The following PLXNA4 variants were observed in gnomAD, a reference collection of about 807,000 sequenced individuals.
PLXNA4 encodes the protein plexin A4, also known as plexin-A4.
A neutral mutation model predicts 191.8 loss-of-function variants in PLXNA4; 44 were observed. The observed-to-expected ratio is 0.23, with a 90% CI of 0.18 to 0.29. The LOEUF is 0.29. Among genes scored for constraint, PLXNA4 ranks in the 10% least tolerant of loss-of-function variants. The pLI is 1.00. For synonymous variants in PLXNA4, 1,082 were observed against 1,009.5 expected (o/e 1.07, Z -1.36); for missense variants, 1,800 against 2,488.8 (o/e 0.72, Z 5.89).
chr7:132,441,047 G>C (rs933386994), intron 3 of PLXNA4, among the ~76,000 whole-genome samples: 2 of 152,128 alleles, frequency 1.3e-5, no homozygotes, highest in African/African-American at 4.8e-5. Context: ...AAAAACCAAG[G>C]CTTAGGATAT....
chr7:132,387,378 C>T (rs891272404), intron 3 of PLXNA4, among the ~76,000 whole-genome samples: 2 of 152,222 alleles, frequency 1.3e-5, no homozygotes, highest in African/African-American at 2.4e-5. Flanking sequence ...TCAACCTTCA[C>T]GATGTCTTTG....
intron 1 of PLXNA4, among the ~76,000 whole-genome samples, chr7:132,557,917 G>A (rs943324371): frequency 2.0e-5 from 3 of 151,762 alleles, no homozygotes; most frequent in Non-Finnish European, 4.4e-5. Context: ...AGAAAACCAA[G>A]TTTAAGGTAG....
chr7:132,402,477 C>T (rs765528409), intron 3 of PLXNA4, among the ~76,000 whole-genome samples: 5 of 152,210 alleles, frequency 3.3e-5, no homozygotes, highest in Non-Finnish European at 7.4e-5. Context: ...ATCTCTTTGC[C>T]TTTTCCTGTT....
In PLXNA4 at chr7:132,130,244, C is replaced by A; in HGVS notation, c.*235G>T. ...CTCCCTTGCCATGGGCCTGGCCATT[C>A]TTGGACTAACTGAGGGTCAGTGGCT... On this transcript the variant is annotated 3_prime_UTR_variant, in exon 32 of 32. Coordinates refer to ENST00000321063, the MANE Select transcript of PLXNA4 (RefSeq NM_020911.2). The A allele has an allele frequency of 1.8e-6, 1 of 542,236 alleles. No individual in the cohort carries two copies. Among genetic ancestry groups the A allele is most frequent in the African/African-American group, 1.9e-5 (1 of 52,866 alleles). 33.6% of individuals were successfully genotyped at this position (542,236 alleles called of 1,614,324 possible). A position where few individuals can be genotyped will look rare whatever the true frequency, so the allele number is the denominator to read the frequency against.
chr7:132,576,516 T>TGCGTGTGCGC, upstream of PLXNA4: 1 of 985,892 alleles, frequency 1.0e-6, no homozygotes, highest in Non-Finnish European at 1.2e-6. This position sits in a 1 kb window ranked among gnomAD's most constrained non-coding sequence, Gnocchi z 5.8. Context: ...TCTGAACGTG[T>TGCGTGTGCGC]GCGTGTGCGC....
At chr7:132,638,815 A>C (rs1803660351) in intron 2 of PLXNA4, among the ~76,000 whole-genome samples, 2 of 152,192 alleles carry the variant, frequency 1.3e-5, no homozygotes, top group African/African-American at 4.8e-5. Context: ...GGAGCAAGAC[A>C]TGCTCTGGTG....
chr7:132,315,308 A>C (rs997499738), intron 3 of PLXNA4, among the ~76,000 whole-genome samples: 4 of 152,222 alleles, frequency 2.6e-5, no homozygotes, highest in Non-Finnish European at 4.4e-5. Context: ...ATTTCAAATA[A>C]GATTTGGCTG....
intron 4 of PLXNA4, among the ~76,000 whole-genome samples, chr7:132,263,499 A>C (rs1455076509): frequency 2.6e-5 from 4 of 152,238 alleles, no homozygotes; most frequent in Admixed American, 2.0e-4. Context: ...AGGGGTAAGA[A>C]ACCCTACCTG....
intron 3 of PLXNA4, among the ~76,000 whole-genome samples, chr7:132,325,861 G>C (rs914011495): frequency 6.6e-6 from 1 of 152,176 alleles, no homozygotes; most frequent in African/African-American, 2.4e-5. Context: ...TAAAGGCAAG[G>C]GTGGGCATGG....
Position 132,382,092 on chromosome 7 carries a change from C to T in PLXNA4, c.1372-83870G>A, listed in dbSNP as rs556401730. On this transcript the variant is annotated intron_variant, in intron 3 of 31. Coordinates refer to ENST00000321063, the MANE Select transcript of PLXNA4 (RefSeq NM_020911.2). Reference sequence around the variant, plus strand: ...AGAGGGGAGAAAAGAAAGCTGGGGACTTTTCTGGGCTGAGTATAGGGTAGA... The same window carrying T: ...AGAGGGGAGAAAAGAAAGCTGGGGATTTTTCTGGGCTGAGTATAGGGTAGA... Among the ~76,000 whole-genome samples the T allele has an allele frequency of 3.3e-5, 5 of 152,276 alleles. No homozygotes were observed. The South Asian group carries it at 1.0e-3, about 32-fold the overall frequency.
At chr7:132,226,666 C>T (rs1421543295) in intron 7 of PLXNA4, among the ~76,000 whole-genome samples, 2 of 152,230 alleles carry the variant, frequency 1.3e-5, no homozygotes, top group East Asian at 3.9e-4. Flanking sequence ...TATGCATGAG[C>T]TCATTCCCTG....
chr7:132,516,682 G>A (rs916587166), intron 1 of PLXNA4, among the ~76,000 whole-genome samples: 1 of 152,140 alleles, frequency 6.6e-6, no homozygotes, highest in Non-Finnish European at 1.5e-5. Flanking sequence ...TCCCTGCCAG[G>A]AGTGGTGACT....
chr7:132,294,566 A>T (rs1230820250), intron 4 of PLXNA4, among the ~76,000 whole-genome samples: 6 of 152,184 alleles, frequency 3.9e-5, no homozygotes, highest in Admixed American at 3.9e-4. Flanking sequence ...GAGTAGTTGG[A>T]GGGCTATTGC....
At chr7:132,254,706 C>T (rs1799372695) in intron 4 of PLXNA4, among the ~76,000 whole-genome samples, 1 of 152,184 alleles carries the variant, frequency 6.6e-6, no homozygotes, top group Admixed American at 6.5e-5. Flanking sequence ...GCTGACCCCA[C>T]CGGACTGTAG....
At chr7:132,338,488 T>C (rs1322360723) in intron 3 of PLXNA4, among the ~76,000 whole-genome samples, 4 of 152,224 alleles carry the variant, frequency 2.6e-5, no homozygotes, top group Admixed American at 1.3e-4. Flanking sequence ...ATGATGTCAG[T>C]AAAAATGAGT....
At chr7:132,484,707 C>A in intron 3 of PLXNA4, 1 of 1,511,786 alleles carries the variant, frequency 6.6e-7, no homozygotes, top group African/African-American at 1.4e-5. Context: ...TTTGGTGTTC[C>A]AACATTGTAT....
chr7:132,222,566 T>C (rs1031913608), intron 9 of PLXNA4, among the ~76,000 whole-genome samples: 3 of 151,950 alleles, frequency 2.0e-5, no homozygotes, highest in African/African-American at 7.3e-5. Context: ...GACACCTGTG[T>C]GGTGTGTTAA....
At position 132,446,088 on chromosome 7, in the gene PLXNA4, G is replaced by A. The variant is rs368364113; in HGVS notation, c.1371+43204C>T. ...GGCGGGGCAAGACTAAGACAGCCAG[G>A]TGTGGTCTTGAGCACAAGAGGTAGA... is the stretch of plus-strand genomic sequence containing the variant. On this transcript the variant is annotated intron_variant, in intron 3 of 31. Coordinates refer to ENST00000321063, the MANE Select transcript of PLXNA4 (RefSeq NM_020911.2). Among the ~76,000 whole-genome samples, 11 of 152,304 alleles carry A rather than the reference G, an allele frequency of 7.2e-5. No homozygotes were observed. The East Asian group carries it at 1.4e-3, about 19-fold the overall frequency.
chr7:132,216,548 G>A (rs1797968145), intron 9 of PLXNA4, among the ~76,000 whole-genome samples: 1 of 152,160 alleles, frequency 6.6e-6, no homozygotes, highest in South Asian at 2.1e-4. Context: ...GGCAGCATGG[G>A]ATACTGCTGT....
Sources: allele counts gnomAD v4.1 joint callset (sites outside exome capture counted in the v4.1 genomes callset), GRCh38; gene constraint gnomAD v4.1.1; non-coding constraint Gnocchi (gnomAD v3.1); transcripts MANE v1.5; gene names NCBI Gene and HGNC (gene_info 2026-07-23, HGNC 2026-07-21).